SLC35D2: variants seen among roughly 807,000 people sequenced by gnomAD.
SLC35D2 encodes solute carrier family 35 member D2.
In SLC35D2, 43 loss-of-function variants were observed where a neutral mutation model predicts 41.8. That is an observed-to-expected ratio of 1.03 (90% CI 0.81 to 1.33). The LOEUF is 1.33. SLC35D2 is among the 40% of genes most tolerant of loss of function. The pLI is 0.00. For synonymous variants in SLC35D2, 150 were observed against 163.9 expected (o/e 0.92, Z 0.65); for missense variants, 380 against 408.4 (o/e 0.93, Z 0.60).
intron 11 of SLC35D2, among the ~76,000 whole-genome samples, chr9:96,315,050 T>G (rs755206102): frequency 3.3e-5 from 5 of 152,204 alleles, no homozygotes; most frequent in Non-Finnish European, 5.9e-5. Flanking sequence ...CTTTTTATAG[T>G]TTTTGCCAGC....
At chr9:96,362,207 C>A (rs545413470) in intron 3 of SLC35D2, among the ~76,000 whole-genome samples, 8 of 152,114 alleles carry the variant, frequency 5.3e-5, no homozygotes, top group Non-Finnish European at 1.2e-4. Context: ...TAAAACGAGA[C>A]TACAGAATTT....
intron 9 of SLC35D2, among the ~76,000 whole-genome samples, chr9:96,327,892 G>A (rs923423865): frequency 1.2e-5 from 1 of 86,952 alleles, no homozygotes; most frequent in Non-Finnish European, 2.5e-5. Flanking sequence ...AAAGTGCTGG[G>A]ACTATAGGAA....
chr9:96,359,562 C>T (rs1018334397), intron 4 of SLC35D2, among the ~76,000 whole-genome samples: 29 of 151,798 alleles, frequency 1.9e-4, no homozygotes, highest in African/African-American at 6.8e-4. Flanking sequence ...TGGTGGCAGG[C>T]GCCTATAATC....
At chr9:96,337,373 C>A (rs1485155285) in intron 8 of SLC35D2, among the ~76,000 whole-genome samples, 1 of 151,862 alleles carries the variant, frequency 6.6e-6, no homozygotes, top group Non-Finnish European at 1.5e-5. Flanking sequence ...GCCACCATGC[C>A]TGGCTAATTT....
chr9:96,382,681 C>A (rs1831255702), intron 1 of SLC35D2, among the ~76,000 whole-genome samples: 1 of 152,020 alleles, frequency 6.6e-6, no homozygotes, highest in Admixed American at 6.6e-5. Flanking sequence ...CTAACTAAGA[C>A]ACTCTAGGTC....
At chr9:96,368,926 G>C (rs150541730) in intron 1 of SLC35D2, among the ~76,000 whole-genome samples, 3 of 151,750 alleles carry the variant, frequency 2.0e-5, no homozygotes, top group African/African-American at 7.3e-5. Context: ...CACCATGCCC[G>C]GTTAATTTTT....
Position 96,345,328 on chromosome 9 carries a change from C to T in SLC35D2, c.562G>A (p.Val188Ile). ...LNDIFTAANG[V>I]YTKQKMDPKE... ...GGGTCCATTTTCTGTTTGGTATAAA[C>T]TCCATTTGCTGCTGTGAAGATATCA... is the stretch of plus-strand genomic sequence containing the variant. Residue 188 changes from valine to isoleucine, a missense_variant, in exon 7 of 12, where the codon GTT (valine) becomes ATT (isoleucine). Physicochemically the swap from Val to Ile is conservative, Grantham distance 29 (BLOSUM62 3). Coordinates refer to ENST00000253270, the MANE Select transcript of SLC35D2 (RefSeq NM_007001.3). 1 of 1,611,090 alleles carries T rather than the reference C, an allele frequency of 6.2e-7. No homozygotes were observed. Among genetic ancestry groups the T allele is most frequent in the South Asian group, 1.1e-5 (1 of 90,736 alleles).
At chr9:96,339,393 G>T (rs934422303) in intron 8 of SLC35D2, among the ~76,000 whole-genome samples, 31 of 152,276 alleles carry the variant, frequency 2.0e-4, no homozygotes, top group African/African-American at 7.5e-4. Context: ...ACTGGCGTGA[G>T]CCATCGTGAC....
rs1452538466 is a variant in SLC35D2, at chr9:96,336,708, GT to G, written c.752+8del. 1 of 1,539,156 alleles carries G rather than the reference GT, an allele frequency of 6.5e-7. No individual in the cohort carries two copies. Among genetic ancestry groups the G allele is most frequent in the Non-Finnish European group, 8.9e-7 (1 of 1,120,410 alleles). ...TGACCAATGCTTCTACTTATCTATG[GT>G]TTCTTACCCCAAAAAACAGGAAAGA... On this transcript the variant is annotated splice_region_variant and intron_variant, in intron 9 of 11. Transcript: ENST00000253270.
At chr9:96,383,134 T>C (rs1587735976) in intron 1 of SLC35D2, among the ~76,000 whole-genome samples, 1 of 152,084 alleles carries the variant, frequency 6.6e-6, no homozygotes, top group East Asian at 1.9e-4. Context: ...AACATGGAGA[T>C]CTGTGTAAGG....
At chr9:96,375,357 C>T (rs1162131186) in intron 1 of SLC35D2, among the ~76,000 whole-genome samples, 1 of 151,666 alleles carries the variant, frequency 6.6e-6, no homozygotes, top group African/African-American at 2.4e-5. Flanking sequence ...GCGGGTGGAT[C>T]ACCTGATGTC....
intron 10 of SLC35D2, among the ~76,000 whole-genome samples, chr9:96,323,754 G>C (rs553190259): frequency 6.6e-6 from 1 of 152,010 alleles, no homozygotes; most frequent in South Asian, 2.1e-4. Flanking sequence ...GTGAAACCTG[G>C]TCTCTACCAA....
In SLC35D2 at chr9:96,364,447, T is replaced by C; in HGVS notation, c.279+17A>G. 1 of 1,410,806 alleles carries C rather than the reference T, an allele frequency of 7.1e-7. No individual in the cohort carries two copies. Among genetic ancestry groups the C allele is most frequent in the Non-Finnish European group, 1.0e-6 (1 of 998,738 alleles). The allele number at this position is 1,410,806 out of a possible 1,614,324, so 87.4% of individuals were successfully genotyped here. A position where few individuals can be genotyped will look rare whatever the true frequency, so the allele number is the denominator to read the frequency against. On this transcript the variant is annotated intron_variant, in intron 3 of 11. Coordinates refer to ENST00000253270, the MANE Select transcript of SLC35D2 (RefSeq NM_007001.3). Reference sequence around the variant, plus strand: ...TCACATCTTCTATCACAGTCATACATACTTTTCATTACTTACCTTTACAGG... The same window carrying C: ...TCACATCTTCTATCACAGTCATACACACTTTTCATTACTTACCTTTACAGG...
At chr9:96,345,425 GAATGATT>G (rs1303457103) in intron 6 of SLC35D2, 24 bp from the exon 7 acceptor site, 1 of 1,351,056 alleles carries the variant, frequency 7.4e-7, no homozygotes, top group Non-Finnish European at 1.1e-6. Flanking sequence ...CACAAAGGGA[GAATGATT>G]ACTCAAAAAC....
intron 4 of SLC35D2, among the ~76,000 whole-genome samples, chr9:96,354,904 A>G (rs1019224400): frequency 4.0e-5 from 6 of 151,868 alleles, no homozygotes; most frequent in African/African-American, 1.2e-4. Context: ...ACATTGTTAA[A>G]AAAATTTAAA....
At chr9:96,321,528 GAA>G (rs1033847901) in intron 11 of SLC35D2, among the ~76,000 whole-genome samples, 187 bp from the exon 12 acceptor site, 1 of 152,160 alleles carries the variant, frequency 6.6e-6, no homozygotes, top group South Asian at 2.1e-4. Context: ...TTTGGAGGCA[GAA>G]AAAGAGTCAT....
intron 9 of SLC35D2, among the ~76,000 whole-genome samples, chr9:96,333,419 A>AC (rs1431540110): frequency 1.4e-5 from 2 of 147,346 alleles, no homozygotes; most frequent in Admixed American, 1.4e-4. Context: ...ACACGGTGAA[A>AC]CCCCGTCTCT....
chr9:96,341,578 T>C (rs1270758916), intron 8 of SLC35D2, among the ~76,000 whole-genome samples: 1 of 152,162 alleles, frequency 6.6e-6, no homozygotes, highest in Non-Finnish European at 1.5e-5. Context: ...AGATAGTTCA[T>C]GAACAATGCT....
At chr9:96,355,080 C>A (rs149389695) in intron 4 of SLC35D2, among the ~76,000 whole-genome samples, 2,059 of 151,194 alleles carry the variant, frequency 0.014, 39 homozygotes, top group African/African-American at 0.047. Context: ...AGTGCAGTGG[C>A]GTCATCTTGG....
Sources: gnomAD v4.1 joint callset for allele counts (sites outside exome capture counted in the v4.1 genomes callset) on GRCh38, gnomAD v4.1.1 for gene constraint, MANE v1.5 for transcripts, NCBI Gene and HGNC (gene_info 2026-07-23, HGNC 2026-07-21) for gene names.